The following HNRNPD variants were observed in gnomAD, a reference collection of about 807,000 sequenced individuals.
The protein encoded by HNRNPD is heterogeneous nuclear ribonucleoprotein D0.
A neutral mutation model predicts 47.9 loss-of-function variants in HNRNPD; 3 were observed. The ratio of observed to expected loss-of-function variants is 0.06; its 90% confidence interval spans 0.03 to 0.16. The LOEUF (loss-of-function observed/expected upper bound fraction) is 0.16. HNRNPD is among the 10% of genes least tolerant of loss of function. The probability of loss-of-function intolerance (pLI) is 1.00; values close to 1 mark genes in which losing one functional copy is unlikely to be tolerated. For synonymous variants in HNRNPD, 171 were observed against 165.1 expected, an observed-to-expected ratio of 1.04 and a Z score of -0.28; for missense variants, 287 against 454.2, an observed-to-expected ratio of 0.63 and a Z score of 3.35.
intron 2 of HNRNPD, among the ~76,000 whole-genome samples, chr4:82,365,129 G>A (rs569611218): frequency 4.6e-5 from 7 of 152,094 alleles, no homozygotes; most frequent in Non-Finnish European, 8.8e-5. Context: ...TGGACATAGC[G>A]ATCAGCCTCC....
intron 2 of HNRNPD, among the ~76,000 whole-genome samples, chr4:82,363,006 T>G (rs1221445956): frequency 3.3e-5 from 5 of 151,648 alleles, no homozygotes; most frequent in Non-Finnish European, 5.9e-5. Flanking sequence ...TCCCTCAAAC[T>G]GATGGCATAA....
At chr4:82,366,808 A>G (rs547877345) in intron 2 of HNRNPD, among the ~76,000 whole-genome samples, 363 of 151,970 alleles carry the variant, frequency 2.4e-3, no homozygotes, top group African/African-American at 8.0e-3. Flanking sequence ...TGATCCACCC[A>G]TCTTGGCCTC....
chr4:82,366,547 A>AG (rs1560438084), intron 2 of HNRNPD, among the ~76,000 whole-genome samples: 21 of 152,174 alleles, frequency 1.4e-4, no homozygotes, highest in Admixed American at 7.2e-4. Flanking sequence ...CCCGGCCAAC[A>AG]TGACAGTTTT....
intron 7 of HNRNPD, 35 bp downstream of exon 7, chr4:82,356,502 C>A: frequency 1.3e-6 from 2 of 1,520,326 alleles, no homozygotes; most frequent in South Asian, 1.1e-5. Flanking sequence ...AAATAAATGT[C>A]AAATAGCAGT....
At chr4:82,362,107 C>T (rs1380089048) in intron 2 of HNRNPD, among the ~76,000 whole-genome samples, 1 of 152,164 alleles carries the variant, frequency 6.6e-6, no homozygotes, top group Non-Finnish European at 1.5e-5. Context: ...TTTCTGCCTT[C>T]TTATACTTCA....
At chr4:82,369,533 G>C (rs957997628) in intron 2 of HNRNPD, among the ~76,000 whole-genome samples, 15 of 151,636 alleles carry the variant, frequency 9.9e-5, no homozygotes, top group Non-Finnish European at 1.8e-4. Flanking sequence ...TTTGCAGAAG[G>C]AAATGCACAC....
intron 1 of HNRNPD, among the ~76,000 whole-genome samples, chr4:82,372,770 A>C (rs777256984): frequency 4.6e-5 from 7 of 152,204 alleles, no homozygotes; most frequent in African/African-American, 1.7e-4. Context: ...AGAAACTCGG[A>C]GCATTTCACC....
At chr4:82,371,388 A>G in intron 2 of HNRNPD, 140 bp downstream of exon 2, 2 of 571,710 alleles carry the variant, frequency 3.5e-6, no homozygotes, top group African/African-American at 1.9e-5. Flanking sequence ...TAAAAGGTAT[A>G]TATCCCAGGT....
At chr4:82,363,472 C>T (rs1719592350) in intron 2 of HNRNPD, among the ~76,000 whole-genome samples, 2 of 152,188 alleles carry the variant, frequency 1.3e-5, no homozygotes, top group South Asian at 4.1e-4. Context: ...TTTCATATTG[C>T]TGTCACTCCT....
chr4:82,370,350 G>T (rs1719976700), intron 2 of HNRNPD, among the ~76,000 whole-genome samples: 1 of 152,060 alleles, frequency 6.6e-6, no homozygotes, highest in Non-Finnish European at 1.5e-5. Flanking sequence ...TAAGTTTATG[G>T]TCATTTCAAA....
chr4:82,361,227 T>C (rs942680789), intron 2 of HNRNPD, among the ~76,000 whole-genome samples: 1 of 152,212 alleles, frequency 6.6e-6, no homozygotes, highest in African/African-American at 2.4e-5. Flanking sequence ...ACAATCTTTA[T>C]TTACATAATT....
chr4:82,373,320 G>A (rs897757655), intron 1 of HNRNPD, 126 bp downstream of exon 1: 4 of 1,289,514 alleles, frequency 3.1e-6, no homozygotes, highest in Admixed American at 4.9e-5. Context: ...AGGGAGACCA[G>A]TGCAAGGAGG....
chr4:82,364,095 G>A (rs1053776956), intron 2 of HNRNPD, among the ~76,000 whole-genome samples: 44 of 151,986 alleles, frequency 2.9e-4, no homozygotes, highest in African/African-American at 1.0e-3. Context: ...TCCCACCTCA[G>A]CCTCACCAGT....
chr4:82,355,250 G>T, intron 8 of HNRNPD, 54 bp downstream of exon 8: 1 of 946,330 alleles, frequency 1.1e-6, no homozygotes, highest in African/African-American at 1.7e-5. Context: ...GAACAATATA[G>T]ATTATAAAAA....
chr4:82,361,168 T>C (rs937291559), intron 2 of HNRNPD, among the ~76,000 whole-genome samples: 4 of 152,246 alleles, frequency 2.6e-5, no homozygotes, highest in African/African-American at 9.6e-5. Flanking sequence ...TTGAGTTATT[T>C]TCTCAATATA....
intron 8 of HNRNPD, chr4:82,354,355 T>G (rs1312405568): frequency 6.6e-6 from 1 of 152,472 alleles, no homozygotes; most frequent in African/African-American, 2.4e-5. Flanking sequence ...TGGTTTAAGA[T>G]GTGATATGCT....
In HNRNPD at chr4:82,373,431, A is replaced by C; in HGVS notation, c.233+15T>G. On this transcript the variant is annotated intron_variant, in intron 1 of 8. Transcript: ENST00000313899. ...ACTAGTTGGGCCTGACTATCCTGGG[A>C]TGCCCCTTACTCACCCTTCATCCTC... 2.5e-6 allele frequency: 4 copies of C among 1,570,864 alleles called. No individual in the cohort carries two copies. Among genetic ancestry groups the C allele is most frequent in the Non-Finnish European group, 3.5e-6 (4 of 1,156,518 alleles).
chr4:82,367,708 T>C (rs866494198), intron 2 of HNRNPD, among the ~76,000 whole-genome samples: 2 of 152,292 alleles, frequency 1.3e-5, no homozygotes, highest in Middle Eastern at 6.8e-3. Context: ...ACCAGTAAAT[T>C]GGAGTCTTCC....
At chr4:82,373,210 T>TTAGGCCGG in intron 1 of HNRNPD, 1 of 701,902 alleles carries the variant, frequency 1.4e-6, no homozygotes. Context: ...AGGAGCAGCA[T>TTAGGCCGG]GGTGACGGCT....
Sources: allele counts gnomAD v4.1 joint callset (sites outside exome capture counted in the v4.1 genomes callset), GRCh38; gene constraint gnomAD v4.1.1; transcripts MANE v1.5; gene names NCBI Gene and HGNC (gene_info 2026-07-23, HGNC 2026-07-21).